The following MID1 variants were observed in gnomAD, a reference collection of about 807,000 sequenced individuals.
The protein encoded by MID1 is E3 ubiquitin-protein ligase Midline-1.
MID1 carries 7 observed loss-of-function variants against 40.4 expected under a neutral mutation model. The ratio of observed to expected loss-of-function variants is 0.17; its 90% CI spans 0.10 to 0.33. The LOEUF is 0.33. MID1 is among the 10% of genes least tolerant of loss of function. MID1 has a pLI of 1.00. For synonymous variants in MID1, 229 were observed against 221.2 expected, an observed-to-expected ratio of 1.04 and a Z score of -0.31; for missense variants, 367 against 558.5, an observed-to-expected ratio of 0.66 and a Z score of 3.46.
At chrX:10,726,427 C>T (rs1446745757) in intron 1 of MID1, among the ~76,000 whole-genome samples, 2 of 110,723 alleles carry the variant, frequency 1.8e-5, no homozygotes, top group Non-Finnish European at 3.8e-5. Context: ...GGTTTTATGA[C>T]TCAGGTTAAG....
At chrX:10,587,238 C>T (rs144423670) in intron 1 of MID1, among the ~76,000 whole-genome samples, 4,051 of 112,521 alleles carry the variant, frequency 0.036, 191 homozygotes, top group African/African-American at 0.12. Context: ...TCCAGTTATT[C>T]GGCAGAGTGC....
intron 1 of MID1, among the ~76,000 whole-genome samples, chrX:10,686,014 T>C (rs1304474803): frequency 1.8e-5 from 2 of 110,715 alleles, no homozygotes; most frequent in Non-Finnish European, 3.8e-5. Context: ...GACCAGTGGA[T>C]GAGAAGGTTT....
chrX:10,498,079 A>G (rs1186324894), intron 3 of MID1, among the ~76,000 whole-genome samples: 1 of 111,521 alleles, frequency 9.0e-6, no homozygotes, highest in African/African-American at 3.3e-5. Flanking sequence ...GGATTGTTTT[A>G]TTTGAGGGGG....
At chrX:10,565,416 C>G (rs1267663380) in intron 2 of MID1, 1 of 331,321 alleles carries the variant, frequency 3.0e-6, no homozygotes, top group East Asian at 9.7e-5. Flanking sequence ...ATCCCACTGT[C>G]ACAGAATAAA....
intron 1 of MID1, among the ~76,000 whole-genome samples, chrX:10,684,326 G>A (rs894794073): frequency 8.7e-5 from 9 of 103,836 alleles, no homozygotes; most frequent in Non-Finnish European, 9.8e-5. Context: ...AAATTGTGCC[G>A]CTTGCTTGCT....
intron 2 of MID1, among the ~76,000 whole-genome samples, chrX:10,547,635 A>G (rs1367519475): frequency 9.3e-6 from 1 of 107,410 alleles, no homozygotes; most frequent in African/African-American, 3.4e-5. Flanking sequence ...AGAGAAAGAA[A>G]GAAGGAAGGA....
chrX:10,721,441 T>C (rs1336284491), intron 1 of MID1, among the ~76,000 whole-genome samples: 1 of 110,703 alleles, frequency 9.0e-6, no homozygotes, highest in Non-Finnish European at 1.9e-5. Context: ...TTTAAGAGGT[T>C]TGGATGTTGC....
chrX:10,714,808 C>T (rs926401812), intron 1 of MID1, among the ~76,000 whole-genome samples: 1 of 111,336 alleles, frequency 9.0e-6, no homozygotes, highest in Non-Finnish European at 1.9e-5. Flanking sequence ...CATAAGGGAA[C>T]AATATCATCA....
intron 4 of MID1, among the ~76,000 whole-genome samples, chrX:10,491,077 ACTC>A (rs1457160363): frequency 9.0e-6 from 1 of 110,656 alleles, no homozygotes; most frequent in Admixed American, 9.7e-5. Flanking sequence ...TACAAGTAAA[ACTC>A]CTCCTGATTA....
intron 5 of MID1, among the ~76,000 whole-genome samples, chrX:10,480,764 A>G (rs940716190): frequency 1.2e-4 from 13 of 111,807 alleles, no homozygotes; most frequent in African/African-American, 4.2e-4. Context: ...TTTAGAAGAG[A>G]TAAGTATCTA....
At chrX:10,636,894 G>T (rs1226262675) in intron 1 of MID1, among the ~76,000 whole-genome samples, 3 of 100,827 alleles carry the variant, frequency 3.0e-5, no homozygotes, top group Non-Finnish European at 4.0e-5. Context: ...CGCTGTGTGT[G>T]TGTGTGTGTG....
intron 1 of MID1, among the ~76,000 whole-genome samples, chrX:10,649,656 T>A (rs1265257013): frequency 8.9e-6 from 1 of 111,998 alleles, no homozygotes; most frequent in Admixed American, 9.5e-5. Context: ...AAGAAGTCTC[T>A]AGCGTTTTTC....
chrX:10,750,197 T>A (rs913215868), intron 1 of MID1, among the ~76,000 whole-genome samples: 1 of 111,736 alleles, frequency 8.9e-6, no homozygotes, highest in Non-Finnish European at 1.9e-5. Flanking sequence ...AACTAGCTAC[T>A]CTTCAGCCTC....
intron 1 of MID1, among the ~76,000 whole-genome samples, chrX:10,679,796 T>C (rs769996859): frequency 2.4e-4 from 27 of 112,230 alleles, no homozygotes; most frequent in African/African-American, 8.4e-4. Flanking sequence ...CTTAGCTTTC[T>C]TCGACTTGCT....
intron 8 of MID1, among the ~76,000 whole-genome samples, chrX:10,457,837 G>T (rs1020592225): frequency 8.9e-6 from 1 of 112,339 alleles, no homozygotes; most frequent in African/African-American, 3.2e-5. Context: ...TATTCTCCTT[G>T]TCTCTGGGCT....
rs935997400 is a variant in MID1 at position 10,634,946 on chromosome X, C to A, written c.-186-14527G>T. Among the ~76,000 whole-genome samples the A allele has an allele frequency of 1.2e-4, 13 of 112,629 alleles. No homozygotes were observed. The Admixed American group carries it at 1.2e-3, about 11-fold the overall frequency. ...TCAGACAGGTTGCTAATGCATCCCG[C>A]GAAGCTGACCTAATGCTACTTCAGT... On this transcript the variant is annotated intron_variant, in intron 1 of 10. Coordinates refer to the MID1 transcript ENST00000380785.
intron 1 of MID1, among the ~76,000 whole-genome samples, chrX:10,826,207 C>A (rs2044215648): frequency 9.0e-6 from 1 of 111,030 alleles, no homozygotes; most frequent in Non-Finnish European, 1.9e-5. Context: ...GTTTTTACAC[C>A]TAGTCCCTCA....
At chrX:10,633,319 C>A (rs1237718889) in intron 1 of MID1, among the ~76,000 whole-genome samples, 1 of 111,489 alleles carries the variant, frequency 9.0e-6, no homozygotes, top group East Asian at 2.8e-4. Context: ...ATTTCCTAGT[C>A]ATTTTCCCAT....
rs1931202026 is a variant in MID1 at position 10,495,579 on chromosome X, C to T, written c.864+5G>A. On this transcript the variant is annotated splice_donor_5th_base_variant and intron_variant, in intron 4 of 9. Transcript: ENST00000317552. The stretch of plus-strand genomic sequence containing the variant: ...ATATGAAATCTTCTGCCCTAGAAAT[C>T]ATACCTTCCCTTCTTTGATCTTGGT... 3 of 1,179,276 alleles carry T rather than the reference C, an allele frequency of 2.5e-6. No homozygotes were observed. The highest frequency in any genetic ancestry group is 1.7e-5 in the African/African-American group (1 of 57,311).
Sources: gnomAD v4.1 joint callset for allele counts (sites outside exome capture counted in the v4.1 genomes callset) on GRCh38, gnomAD v4.1.1 for gene constraint, MANE v1.5 for transcripts, NCBI Gene and HGNC (gene_info 2026-07-23, HGNC 2026-07-21) for gene names.